The following BUB1B variants were observed in gnomAD, a reference collection of about 807,000 sequenced individuals.
BUB1B encodes the protein mitotic checkpoint serine/threonine-protein kinase BUB1 beta.
In BUB1B, 86 loss-of-function variants were observed where a neutral mutation model predicts 137.7. That is an observed-to-expected ratio of 0.62 (90% CI 0.52 to 0.75). The LOEUF (loss-of-function observed/expected upper bound fraction) is 0.75, where lower values mean the gene tolerates loss of function less well. BUB1B is among the 30% of genes least tolerant of loss of function. BUB1B has a pLI of 0.00. For missense variants in BUB1B, 1,130 were observed against 1,236.9 expected (o/e 0.91, Z 1.30); for synonymous variants, 420 against 417.9 (o/e 1.00, Z -0.06).
Position 40,206,070 on chromosome 15 carries a change from T to C in BUB1B, c.1735-114T>C, listed in dbSNP as rs1000585263. ...AAACCTTTTTATATTTGCCTAGATATTCTGATATGCTATTTCTGTACCCTG... is the reference window on the plus strand; with the variant it reads ...AAACCTTTTTATATTTGCCTAGATACTCTGATATGCTATTTCTGTACCCTG... On this transcript the variant is annotated intron_variant, in intron 14 of 22. Coordinates refer to ENST00000287598, the MANE Select transcript of BUB1B (RefSeq NM_001211.6). 4.6e-6 allele frequency: 5 copies of C among 1,082,322 alleles called. No homozygotes were observed. In the African/African-American group the frequency reaches 4.8e-5, roughly 10 times the overall value. 67.0% of individuals were successfully genotyped at this position (1,082,322 alleles called of 1,614,324 possible).
intron 4 of BUB1B, among the ~76,000 whole-genome samples, chr15:40,174,969 A>G (rs1014271976): frequency 1.3e-5 from 2 of 152,192 alleles, no homozygotes; most frequent in African/African-American, 2.4e-5. Context: ...GTCTCAAAAA[A>G]AAGGAAAAAA....
intron 22 of BUB1B, among the ~76,000 whole-genome samples, chr15:40,219,542 A>C (rs1377170017): frequency 3.3e-5 from 5 of 151,998 alleles, no homozygotes; most frequent in Non-Finnish European, 7.4e-5. Context: ...ACATGGCGAA[A>C]CCTTGTCTCT....
At chr15:40,204,612 AATAC>A (rs1270223562) in intron 14 of BUB1B, among the ~76,000 whole-genome samples, 3 of 151,392 alleles carry the variant, frequency 2.0e-5, no homozygotes, top group Non-Finnish European at 2.9e-5. Flanking sequence ...CACATATATA[AATAC>A]ATATATATGT....
chr15:40,184,029 A>G, intron 6 of BUB1B, 146 bp downstream of exon 6: 1 of 829,374 alleles, frequency 1.2e-6, no homozygotes, highest in South Asian at 1.6e-5. Context: ...GAGAGCTAAT[A>G]TTACAGTGTG....
chr15:40,185,738 A>G (rs2037353599), intron 8 of BUB1B, 96 bp downstream of exon 8: 4 of 1,221,944 alleles, frequency 3.3e-6, no homozygotes, highest in Admixed American at 1.8e-5. Flanking sequence ...CTTTATGAAG[A>G]TGAAAGTAAC....
chr15:40,211,412 T>C (rs1007828226), intron 18 of BUB1B, among the ~76,000 whole-genome samples: 9 of 152,184 alleles, frequency 5.9e-5, no homozygotes, highest in African/African-American at 2.2e-4. Flanking sequence ...CAATGTAGGA[T>C]GATCTAGTTT....
intron 1 of BUB1B, among the ~76,000 whole-genome samples, 177 bp downstream of exon 1, chr15:40,161,432 T>C (rs1048107840): frequency 1.3e-5 from 2 of 152,098 alleles, no homozygotes; most frequent in South Asian, 2.1e-4. Context: ...CGCAGTGGAC[T>C]GAGGGCACGT....
chr15:40,195,101 T>G (rs1211368114), intron 8 of BUB1B, among the ~76,000 whole-genome samples: 1 of 152,194 alleles, frequency 6.6e-6, no homozygotes, highest in Non-Finnish European at 1.5e-5. Context: ...CAGTGTACAC[T>G]GTACCCGATG....
At chr15:40,169,609 C>CTTTTTTT (rs893767898) in intron 2 of BUB1B, among the ~76,000 whole-genome samples, 31 of 96,936 alleles carry the variant, frequency 3.2e-4, no homozygotes, top group East Asian at 5.6e-4. Context: ...TATTTCTATT[C>CTTTTTTT]TTTTTTTTTT....
chr15:40,213,538 T>C (rs2037739968), intron 20 of BUB1B, 64 bp downstream of exon 20: 3 of 1,585,478 alleles, frequency 1.9e-6, no homozygotes, highest in Non-Finnish European at 2.6e-6. Context: ...GTTGCCACTT[T>C]TTTTTTTCTT....
intron 4 of BUB1B, among the ~76,000 whole-genome samples, chr15:40,174,127 C>T (rs900741666): frequency 6.6e-6 from 1 of 152,192 alleles, no homozygotes; most frequent in Admixed American, 6.5e-5. Context: ...CTGATCTTTA[C>T]TGGCTGTCCC....
intron 8 of BUB1B, among the ~76,000 whole-genome samples, chr15:40,192,108 C>A (rs1173134218): frequency 6.6e-6 from 1 of 152,176 alleles, no homozygotes; most frequent in African/African-American, 2.4e-5. Flanking sequence ...AATATTAAGT[C>A]TTCTGGTCCA....
intron 5 of BUB1B, among the ~76,000 whole-genome samples, chr15:40,180,565 C>A (rs561844434): frequency 7.1e-4 from 108 of 151,354 alleles, no homozygotes; most frequent in African/African-American, 2.5e-3. Flanking sequence ...TGTACCCAGC[C>A]AACATTTCTT....
chr15:40,164,826 T>C (rs1413814464), intron 1 of BUB1B, among the ~76,000 whole-genome samples: 1 of 152,076 alleles, frequency 6.6e-6, no homozygotes, highest in African/African-American at 2.4e-5. Flanking sequence ...TAGTACTGTC[T>C]ACGATATCCT....
chr15:40,161,275 GCTGGGGGCTGGGC>G lies in BUB1B; in HGVS notation c.35+24_35+36del, dbSNP rs766193343. 5 of 1,609,272 alleles carry G rather than the reference GCTGGGGGCTGGGC, an allele frequency of 3.1e-6. No homozygotes were observed. In the South Asian group the frequency reaches 5.6e-5, roughly 18 times the overall value. On this transcript the variant is annotated intron_variant, in intron 1 of 22. Transcript: ENST00000287598. ...TCTGAGGTAGGTACGGGAGAAAGCTGCTGGGGGCTGGGCCTGAGAGGACACGGCCTGGTAGGTA... is the reference window on the plus strand; with the variant it reads ...TCTGAGGTAGGTACGGGAGAAAGCTGCTGAGAGGACACGGCCTGGTAGGTA...
chr15:40,180,214 T>C (rs949397911), intron 5 of BUB1B, among the ~76,000 whole-genome samples: 12 of 151,414 alleles, frequency 7.9e-5, no homozygotes, highest in African/African-American at 2.4e-4. Context: ...GAAAAATATT[T>C]TTACTGGATA....
At chr15:40,185,140 G>A (rs370295637) in intron 6 of BUB1B, 25 bp from the exon 7 acceptor site, 1 of 1,573,720 alleles carries the variant, frequency 6.4e-7, no homozygotes, top group African/African-American at 1.4e-5. Context: ...CATTTTACAT[G>A]AGGTTTTAAT....
intron 2 of BUB1B, among the ~76,000 whole-genome samples, chr15:40,168,205 TA>T (rs2037123521): frequency 6.6e-6 from 1 of 151,922 alleles, no homozygotes; most frequent in South Asian, 2.1e-4. Context: ...CTGTCTCAAC[TA>T]AAAATACAAA....
chr15:40,201,095 A>G, intron 12 of BUB1B, 115 bp downstream of exon 12: 1 of 960,594 alleles, frequency 1.0e-6, no homozygotes, highest in East Asian at 2.7e-5. Context: ...GGACTAGGAT[A>G]CTAGGAATTT....
Sources: gnomAD v4.1 joint callset for allele counts (sites outside exome capture counted in the v4.1 genomes callset) on GRCh38, gnomAD v4.1.1 for gene constraint, MANE v1.5 for transcripts, NCBI Gene and HGNC (gene_info 2026-07-23, HGNC 2026-07-21) for gene names.